Variants in PDE4D observed in about 807,000 individuals in gnomAD.
PDE4D encodes 3',5'-cyclic-AMP phosphodiesterase 4D.
Under a neutral mutation model 87.4 loss-of-function variants are expected in PDE4D, and 24 were observed. That is an observed-to-expected ratio of 0.27 (90% CI 0.20 to 0.39). The LOEUF is 0.39. PDE4D is among the 10% of genes least tolerant of loss of function. PDE4D has a pLI of 1.00. For synonymous variants in PDE4D, 384 were observed against 383.2 expected, an observed-to-expected ratio of 1.00 and a Z score of -0.02; for missense variants, 714 against 1,041.0, an observed-to-expected ratio of 0.69 and a Z score of 4.32.
At chr5:59,172,345 AT>A (rs1561625223) in intron 5 of PDE4D, among the ~76,000 whole-genome samples, 1 of 134,406 alleles carries the variant, frequency 7.4e-6, no homozygotes, top group African/African-American at 2.8e-5. Flanking sequence ...TATATTATAT[AT>A]TATATATTTT....
chr5:60,430,269 G>A (rs1487603911), intron 1 of PDE4D: 1 of 498,906 alleles, frequency 2.0e-6, no homozygotes, highest in Admixed American at 2.0e-5. Flanking sequence ...CTTCTTTGCA[G>A]GAGCCATTCT....
At chr5:60,038,262 A>G (rs1768041763) in intron 2 of PDE4D, among the ~76,000 whole-genome samples, 1 of 152,172 alleles carries the variant, frequency 6.6e-6, no homozygotes, top group Non-Finnish European at 1.5e-5. Flanking sequence ...TTTTAGGTCT[A>G]ATGTTTAAGT....
chr5:60,270,743 A>G (rs577288315), intron 1 of PDE4D, among the ~76,000 whole-genome samples: 1 of 152,274 alleles, frequency 6.6e-6, no homozygotes, highest in African/African-American at 2.4e-5. Context: ...TTCTCAATGA[A>G]ATCTCCGCTT....
At chr5:59,910,466 C>T (rs1284970334) in intron 3 of PDE4D, among the ~76,000 whole-genome samples, 3 of 152,186 alleles carry the variant, frequency 2.0e-5, no homozygotes, top group African/African-American at 7.2e-5. Context: ...TACCAAAGAG[C>T]TATAACTACA....
At chr5:59,417,418 G>A (rs1255595775) in intron 1 of PDE4D, among the ~76,000 whole-genome samples, 1 of 151,940 alleles carries the variant, frequency 6.6e-6, no homozygotes, top group African/African-American at 2.4e-5. Flanking sequence ...AAGATAAAAT[G>A]GTTTTCAGAA....
At chr5:59,904,773 C>A (rs1752649422) in intron 3 of PDE4D, among the ~76,000 whole-genome samples, 1 of 152,022 alleles carries the variant, frequency 6.6e-6, no homozygotes, top group South Asian at 2.1e-4. Context: ...CAGATTGGAG[C>A]CCAATTATTC....
intron 5 of PDE4D, among the ~76,000 whole-genome samples, chr5:59,159,173 G>C (rs933784740): frequency 6.6e-6 from 1 of 152,000 alleles, no homozygotes; most frequent in East Asian, 1.9e-4. Flanking sequence ...AAGATTTTTT[G>C]CCCAGGCTGG....
intron 2 of PDE4D, among the ~76,000 whole-genome samples, chr5:59,992,123 T>TG (rs1488144377): frequency 1.3e-5 from 2 of 152,200 alleles, no homozygotes; most frequent in Non-Finnish European, 2.9e-5. Flanking sequence ...ATCAGACTCC[T>TG]GTTCTTAAAC....
At chr5:59,867,957 CA>C (rs1363519282) in intron 1 of PDE4D, among the ~76,000 whole-genome samples, 1 of 152,140 alleles carries the variant, frequency 6.6e-6, no homozygotes, top group Non-Finnish European at 1.5e-5. Context: ...GTTTACTGGT[CA>C]TGAGTATCTT....
At chr5:60,193,908 CT>C (rs1379672908) in intron 1 of PDE4D, among the ~76,000 whole-genome samples, 1 of 151,292 alleles carries the variant, frequency 6.6e-6, no homozygotes, top group Non-Finnish European at 1.5e-5. Context: ...CCCTTACCTC[CT>C]TTCCCGCTGT....
chr5:59,908,687 T>A (rs1348543981), intron 3 of PDE4D, among the ~76,000 whole-genome samples: 1 of 152,222 alleles, frequency 6.6e-6, no homozygotes, highest in African/African-American at 2.4e-5. Flanking sequence ...CATAGTCTGA[T>A]GGAACTATGA....
chr5:59,006,239 C>G (rs1751572276), intron 6 of PDE4D, among the ~76,000 whole-genome samples: 1 of 152,194 alleles, frequency 6.6e-6, no homozygotes, highest in South Asian at 2.1e-4. Context: ...ATTTTATATA[C>G]ATATATGCAA....
intron 2 of PDE4D, among the ~76,000 whole-genome samples, chr5:60,135,947 A>G (rs1780000764): frequency 6.6e-6 from 1 of 152,134 alleles, no homozygotes; most frequent in African/African-American, 2.4e-5. Flanking sequence ...CATAATAATC[A>G]TTAATGTTCT....
At chr5:60,205,715 G>A (rs574239380) in intron 1 of PDE4D, among the ~76,000 whole-genome samples, 8 of 134,254 alleles carry the variant, frequency 6.0e-5, no homozygotes, top group African/African-American at 2.1e-4. Context: ...GTGAAACCCC[G>A]TCTCTACTAA....
intron 2 of PDE4D, among the ~76,000 whole-genome samples, chr5:60,140,773 G>C (rs1780458012): frequency 2.0e-5 from 3 of 152,024 alleles, no homozygotes; most frequent in African/African-American, 7.2e-5. Flanking sequence ...ATGGATAATG[G>C]GTCCTCAGCA....
At chr5:59,818,947 A>G (rs1290506670) in intron 1 of PDE4D, among the ~76,000 whole-genome samples, 2 of 152,054 alleles carry the variant, frequency 1.3e-5, no homozygotes, top group African/African-American at 4.8e-5. Flanking sequence ...TAGGGGGGGA[A>G]TTTTAAGGAC....
intron 2 of PDE4D, among the ~76,000 whole-genome samples, chr5:60,069,571 T>C (rs1023999726): frequency 3.9e-5 from 6 of 152,318 alleles, no homozygotes; most frequent in African/African-American, 1.4e-4. Flanking sequence ...CAGTATCATA[T>C]TGTTTTGATC....
chr5:60,137,852 C>A (rs1351893411), intron 2 of PDE4D, among the ~76,000 whole-genome samples: 1 of 152,000 alleles, frequency 6.6e-6, no homozygotes, highest in Admixed American at 6.6e-5. Flanking sequence ...GTCATGAAAT[C>A]TTTGCCTGTG....
chr5:59,409,676 G>C (rs865853728), intron 1 of PDE4D, among the ~76,000 whole-genome samples: 1 of 152,190 alleles, frequency 6.6e-6, no homozygotes, highest in Non-Finnish European at 1.5e-5. Context: ...AAGCTGAGCA[G>C]ATGCCAGCAC....
Sources: gnomAD v4.1 joint callset for allele counts (sites outside exome capture counted in the v4.1 genomes callset) on GRCh38, gnomAD v4.1.1 for gene constraint, MANE v1.5 for transcripts, NCBI Gene and HGNC (gene_info 2026-07-23, HGNC 2026-07-21) for gene names.